RNGTT: variants seen among roughly 807,000 people sequenced by gnomAD.
The protein encoded by RNGTT is mRNA-capping enzyme.
RNGTT carries 33 observed loss-of-function variants against 79.3 expected under a neutral mutation model. The observed-to-expected ratio is 0.42, with a 90% CI of 0.32 to 0.56. The LOEUF (loss-of-function observed/expected upper bound fraction) is 0.56. Ranked by LOEUF, RNGTT falls within the 20% of genes least tolerant of loss-of-function variation. The pLI is 0.17. For missense variants in RNGTT, 497 were observed against 739.1 expected (o/e 0.67, Z 3.80); for synonymous variants, 222 against 235.9 (o/e 0.94, Z 0.54).
At chr6:88,802,518 A>T (rs770572073) in intron 11 of RNGTT, among the ~76,000 whole-genome samples, 3 of 152,168 alleles carry the variant, frequency 2.0e-5, no homozygotes, top group Non-Finnish European at 4.4e-5. Context: ...CATTTTGGGG[A>T]AGAGAACAAA....
chr6:88,616,213 A>G (rs560896261), intron 14 of RNGTT, among the ~76,000 whole-genome samples: 1 of 152,316 alleles, frequency 6.6e-6, no homozygotes, highest in South Asian at 2.1e-4. Flanking sequence ...ATAATATTCC[A>G]CTGTATGTAT....
intron 13 of RNGTT, among the ~76,000 whole-genome samples, chr6:88,695,199 C>CA (rs1257963034): frequency 6.6e-6 from 1 of 151,508 alleles, no homozygotes; most frequent in African/African-American, 2.4e-5. Flanking sequence ...TTCTGCACAG[C>CA]AAAAAAACAA....
intron 11 of RNGTT, among the ~76,000 whole-genome samples, chr6:88,826,232 T>C (rs901881953): frequency 6.6e-6 from 1 of 152,162 alleles, no homozygotes; most frequent in Non-Finnish European, 1.5e-5. Context: ...TCTGGTTCCA[T>C]ATAAACAACA....
At chr6:88,892,796 C>T (rs1219998470) in intron 6 of RNGTT, among the ~76,000 whole-genome samples, 2 of 152,000 alleles carry the variant, frequency 1.3e-5, no homozygotes, top group Non-Finnish European at 2.9e-5. Context: ...AACGTTCAAC[C>T]TTCTGGCAAA....
At chr6:88,690,661 G>A (rs1203882988) in intron 13 of RNGTT, among the ~76,000 whole-genome samples, 1 of 152,086 alleles carries the variant, frequency 6.6e-6, no homozygotes, top group African/African-American at 2.4e-5. Flanking sequence ...AATAAGCTAT[G>A]ATCACACTAC....
At chr6:88,879,266 C>A (rs763703952) in intron 8 of RNGTT, among the ~76,000 whole-genome samples, 1 of 152,058 alleles carries the variant, frequency 6.6e-6, no homozygotes, top group Admixed American at 6.6e-5. Context: ...TGGTGGCATG[C>A]GCCTGTAGTC....
At chr6:88,886,720 A>G (rs114931570) in intron 8 of RNGTT, among the ~76,000 whole-genome samples, 254 of 152,358 alleles carry the variant, frequency 1.7e-3, no homozygotes, top group African/African-American at 5.7e-3. Context: ...TAATTCTTCC[A>G]TCAAACAAAC....
At chr6:88,864,240 G>A (rs960239516) in intron 8 of RNGTT, among the ~76,000 whole-genome samples, 20 of 152,232 alleles carry the variant, frequency 1.3e-4, no homozygotes, top group Admixed American at 8.5e-4. Context: ...ACATCATGGT[G>A]AAAGAGAAGC....
At chr6:88,744,071 T>C (rs934572577) in intron 13 of RNGTT, among the ~76,000 whole-genome samples, 2 of 152,196 alleles carry the variant, frequency 1.3e-5, no homozygotes, top group African/African-American at 4.8e-5. Context: ...CATTTTATGT[T>C]GAATTTATAT....
chr6:88,690,246 G>A (rs929326903), intron 13 of RNGTT, among the ~76,000 whole-genome samples: 1 of 152,004 alleles, frequency 6.6e-6, no homozygotes, highest in African/African-American at 2.4e-5. Flanking sequence ...AACAATAAAT[G>A]TACATAAGTT....
chr6:88,647,196 C>T (rs1773598608), intron 14 of RNGTT, among the ~76,000 whole-genome samples: 1 of 152,170 alleles, frequency 6.6e-6, no homozygotes, highest in African/African-American at 2.4e-5. Flanking sequence ...CATGGAGACA[C>T]ACTGAAAGAA....
At chr6:88,881,811 T>C (rs924647295) in intron 8 of RNGTT, among the ~76,000 whole-genome samples, 1 of 152,192 alleles carries the variant, frequency 6.6e-6, no homozygotes, top group Non-Finnish European at 1.5e-5. Context: ...GTCATCACTT[T>C]CAACCTACTC....
intron 8 of RNGTT, among the ~76,000 whole-genome samples, chr6:88,866,717 G>A (rs1190017830): frequency 6.6e-6 from 1 of 152,028 alleles, no homozygotes; most frequent in Non-Finnish European, 1.5e-5. Context: ...AAAGCAATAA[G>A]GATGGAAGAG....
At chr6:88,736,289 T>C (rs1032226201) in intron 13 of RNGTT, among the ~76,000 whole-genome samples, 1 of 152,140 alleles carries the variant, frequency 6.6e-6, no homozygotes, top group African/African-American at 2.4e-5. Flanking sequence ...TTTCAGAAAA[T>C]AGAAGCAGAG....
At chr6:88,619,719 C>G (rs1772373978) in intron 14 of RNGTT, among the ~76,000 whole-genome samples, 1 of 152,102 alleles carries the variant, frequency 6.6e-6, no homozygotes, top group Admixed American at 6.5e-5. Flanking sequence ...TTTGATAATT[C>G]AAAATCTACT....
intron 12 of RNGTT, among the ~76,000 whole-genome samples, chr6:88,794,270 T>C (rs1375756333): frequency 6.6e-6 from 1 of 152,210 alleles, no homozygotes; most frequent in Non-Finnish European, 1.5e-5. Context: ...ATTCTGGACT[T>C]GGCAAAGAAA....
chr6:88,711,447 T>C (rs1487096161), intron 13 of RNGTT, among the ~76,000 whole-genome samples: 2 of 152,222 alleles, frequency 1.3e-5, no homozygotes, highest in Non-Finnish European at 2.9e-5. Flanking sequence ...TTAATAAAAG[T>C]GTTCTTAACC....
chr6:88,908,264 T>C (rs1313827642), intron 4 of RNGTT, among the ~76,000 whole-genome samples: 2 of 152,114 alleles, frequency 1.3e-5, no homozygotes, highest in African/African-American at 2.4e-5. Context: ...TATTTCAAAA[T>C]AGCAAGGGTT....
intron 8 of RNGTT, among the ~76,000 whole-genome samples, chr6:88,858,041 AC>A (rs1781894563): frequency 6.6e-6 from 1 of 152,106 alleles, no homozygotes; most frequent in African/African-American, 2.4e-5. Context: ...TGTTCTTTGT[AC>A]CACAGTGGCT....
Sources: allele counts gnomAD v4.1 joint callset (sites outside exome capture counted in the v4.1 genomes callset), GRCh38; gene constraint gnomAD v4.1.1; transcripts MANE v1.5; gene names NCBI Gene and HGNC (gene_info 2026-07-23, HGNC 2026-07-21).